NTM: variants seen among roughly 807,000 people sequenced by gnomAD.
The protein encoded by NTM is neurotrimin, also known as IgLON family member 2.
A neutral mutation model predicts 42.1 loss-of-function variants in NTM; 13 were observed. The ratio of observed to expected loss-of-function variants is 0.31; its 90% CI spans 0.20 to 0.49. NTM has a LOEUF of 0.49. Among genes scored for constraint, NTM ranks in the 20% least tolerant of loss-of-function variants. NTM has a pLI of 0.99. For missense variants in NTM, 373 were observed against 452.8 expected (o/e 0.82, Z 1.60); for synonymous variants, 187 against 179.2 (o/e 1.04, Z -0.35).
chr11:132,159,117 A>G (rs769395313), intron 3 of NTM, among the ~76,000 whole-genome samples: 2 of 152,152 alleles, frequency 1.3e-5, no homozygotes, highest in Admixed American at 6.5e-5. Flanking sequence ...TGCAGCAGGG[A>G]GACTGAGAGA....
At chr11:131,456,221 A>AGCAGCAGGTTGTTTCAGTC (rs1950878069) in intron 1 of NTM, among the ~76,000 whole-genome samples, 1 of 152,218 alleles carries the variant, frequency 6.6e-6, no homozygotes, top group Non-Finnish European at 1.5e-5. Context: ...TTGTTTCAGT[A>AGCAGCAGGTTGTTTCAGTC]GCAGCAGGTT....
chr11:132,289,264 T>C (rs1213984179), intron 4 of NTM, among the ~76,000 whole-genome samples: 2 of 152,188 alleles, frequency 1.3e-5, no homozygotes, highest in Non-Finnish European at 2.9e-5. Context: ...TGCACATTTT[T>C]ATCTTACTAG....
At chr11:131,867,376 G>GGT (rs149325776) in intron 1 of NTM, among the ~76,000 whole-genome samples, 1 of 151,908 alleles carries the variant, frequency 6.6e-6, no homozygotes, top group Non-Finnish European at 1.5e-5. Flanking sequence ...TGTGTCTGGG[G>GGT]GTGTGTGTGT....
chr11:131,526,277 G>A (rs2050466778), intron 1 of NTM, among the ~76,000 whole-genome samples: 1 of 152,160 alleles, frequency 6.6e-6, no homozygotes, highest in African/African-American at 2.4e-5. Flanking sequence ...CTAAATTGAG[G>A]CACAGGTTAA....
At chr11:132,114,282 G>T (rs2063592466) in intron 2 of NTM, among the ~76,000 whole-genome samples, 2 of 152,174 alleles carry the variant, frequency 1.3e-5, no homozygotes, top group Admixed American at 1.3e-4. Flanking sequence ...TGAGAGCTGG[G>T]TAGTACTTCG....
chr11:131,773,422 C>T (rs1258506177), intron 1 of NTM, among the ~76,000 whole-genome samples: 3 of 152,222 alleles, frequency 2.0e-5, no homozygotes, highest in Non-Finnish European at 4.4e-5. Flanking sequence ...CCTATACTTA[C>T]ATTTCTTTTT....
At chr11:132,266,078 C>T (rs2093166744) in intron 4 of NTM, among the ~76,000 whole-genome samples, 1 of 152,154 alleles carries the variant, frequency 6.6e-6, no homozygotes, top group Non-Finnish European at 1.5e-5. Context: ...CAGGGGTGAC[C>T]TTTCTGGAGC....
At chr11:131,887,256 T>A (rs1357246897) in intron 1 of NTM, among the ~76,000 whole-genome samples, 1 of 152,242 alleles carries the variant, frequency 6.6e-6, no homozygotes, top group East Asian at 1.9e-4. Context: ...GTTGTACACC[T>A]TGAATATATA....
At chr11:131,588,576 G>A (rs181337722) in intron 1 of NTM, among the ~76,000 whole-genome samples, 137 of 152,232 alleles carry the variant, frequency 9.0e-4, no homozygotes, top group African/African-American at 3.2e-3. Context: ...ATAGCCAGAG[G>A]GATTTGCCAT....
At chr11:131,769,543 T>G (rs975908107) in intron 1 of NTM, 1 of 925,946 alleles carries the variant, frequency 1.1e-6, no homozygotes, top group South Asian at 5.0e-5. Flanking sequence ...TTCCTTTTTT[T>G]TCTGGAAGAT....
intron 2 of NTM, 65 bp downstream of exon 2, chr11:131,911,713 G>A: frequency 1.3e-6 from 2 of 1,596,216 alleles, no homozygotes; most frequent in Non-Finnish European, 1.7e-6. Context: ...GGGCAGGGGT[G>A]CAGGTGTGTG....
intron 4 of NTM, among the ~76,000 whole-genome samples, chr11:132,218,627 G>C (rs889954172): frequency 6.6e-6 from 1 of 152,156 alleles, no homozygotes; most frequent in Non-Finnish European, 1.5e-5. Flanking sequence ...GAATCCAGGA[G>C]AGACAATTAA....
intron 1 of NTM, among the ~76,000 whole-genome samples, chr11:131,719,033 CT>C (rs1034578545): frequency 2.0e-5 from 3 of 152,148 alleles, no homozygotes; most frequent in Admixed American, 6.5e-5. Context: ...GCTCAGCCTC[CT>C]GAGTAGCTGG....
In NTM at chr11:132,069,434, C is replaced by T. The variant is rs574645560; in HGVS notation, c.168-76848C>T. On this transcript the variant is annotated intron_variant, in intron 2 of 8. Coordinates refer to ENST00000683400, the MANE Select transcript of NTM (RefSeq NM_001352005.2). ...ACTGACTGTCACCGGTTAGTTAACA[C>T]GTCACACAGCCAAGTTAACACGTCA... Among the ~76,000 whole-genome samples the T allele has an allele frequency of 8.3e-5, 10 of 120,184 alleles. 1 individual carries two copies. The highest frequency in any genetic ancestry group is 1.7e-4 in the Non-Finnish European group (10 of 57,736). The allele number at this position is 120,184 out of a possible 152,430, so 78.8% of individuals were successfully genotyped here. A position where few individuals can be genotyped will look rare whatever the true frequency, so the allele number is the denominator to read the frequency against.
At chr11:131,618,249 G>T (rs1372703346) in intron 1 of NTM, among the ~76,000 whole-genome samples, 27 of 152,276 alleles carry the variant, frequency 1.8e-4, no homozygotes, top group Admixed American at 1.8e-3. Flanking sequence ...CCCCCAAGCA[G>T]GTCTGCGCCT....
At chr11:132,244,625 C>T (rs1305191503) in intron 4 of NTM, among the ~76,000 whole-genome samples, 1 of 152,200 alleles carries the variant, frequency 6.6e-6, no homozygotes, top group Non-Finnish European at 1.5e-5. Flanking sequence ...CTTCTCTTTT[C>T]AACCTTGCTA....
At chr11:131,629,568 C>T (rs1173401138) in intron 1 of NTM, among the ~76,000 whole-genome samples, 2 of 152,168 alleles carry the variant, frequency 1.3e-5, no homozygotes, top group Non-Finnish European at 2.9e-5. Context: ...CTCTTACTCA[C>T]ACTTATCTGC....
rs190415437 is a variant in NTM at position 132,253,109 on chromosome 11, T to C, written c.526+40962T>C. On this transcript the variant is annotated intron_variant, in intron 4 of 8. Transcript: ENST00000683400. ...CTGTCCAACAACAATGTTTCTAGAA[T>C]GGTAACTGTGAGCAAAATGTCCTTT... Among the ~76,000 whole-genome samples, 462 of 152,322 alleles carry C rather than the reference T, an allele frequency of 3.0e-3. 1 individual carries two copies. Among genetic ancestry groups the C allele is most frequent in the African/African-American group, 0.011 (441 of 41,584 alleles).
chr11:132,004,403 T>A (rs1016600593), intron 2 of NTM, among the ~76,000 whole-genome samples: 1 of 152,192 alleles, frequency 6.6e-6, no homozygotes, highest in African/African-American at 2.4e-5. Context: ...TATAGCCTGA[T>A]CCCTGTGCAA....
Sources: gnomAD v4.1 joint callset for allele counts (sites outside exome capture counted in the v4.1 genomes callset) on GRCh38, gnomAD v4.1.1 for gene constraint, MANE v1.5 for transcripts, NCBI Gene and HGNC (gene_info 2026-07-23, HGNC 2026-07-21) for gene names.